The following KCTD5 variants were observed in gnomAD, a reference collection of about 807,000 sequenced individuals.
KCTD5 encodes potassium channel tetramerization domain containing 5.
A neutral mutation model predicts 27.9 loss-of-function variants in KCTD5; 12 were observed. That is an observed-to-expected ratio of 0.43 (90% confidence interval 0.28 to 0.70). KCTD5 has a LOEUF of 0.70. Ranked by LOEUF, KCTD5 falls within the 30% of genes least tolerant of loss-of-function variation. The pLI is 0.19. For synonymous variants in KCTD5, 147 were observed against 121.4 expected (o/e 1.21, Z -1.39); for missense variants, 226 against 274.8 (o/e 0.82, Z 1.26).
intron 1 of KCTD5, among the ~76,000 whole-genome samples, chr16:2,688,243 ATATTTATTTATT>A (rs56117069): frequency 1.6e-5 from 1 of 64,266 alleles, no homozygotes; most frequent in Non-Finnish European, 3.7e-5. Context: ...ATATATATAT[ATATTTATTTATT>A]TATTTATTTA....
intron 2 of KCTD5, chr16:2,697,421 G>C (rs1177968296): frequency 6.4e-6 from 1 of 155,360 alleles, no homozygotes; most frequent in Non-Finnish European, 1.4e-5. Context: ...TGAGGTGCCA[G>C]GTGACTGAGA....
chr16:2,707,237 C>T lies in KCTD5; in HGVS notation c.676-61C>T, dbSNP rs542484914. On this transcript the variant is annotated intron_variant, in intron 5 of 5. Transcript: ENST00000301738. Reference sequence around the variant, plus strand: ...TGTGGGCTCTGTTTTCTGGAGCAGGCGCCTGGTCAGGGACACCTCCTCAGC... The same window carrying T: ...TGTGGGCTCTGTTTTCTGGAGCAGGTGCCTGGTCAGGGACACCTCCTCAGC... The T allele has an allele frequency of 1.8e-5, 27 of 1,533,374 alleles. 1 individual carries two copies. The highest frequency in any genetic ancestry group is 1.5e-4 in the South Asian group (13 of 86,430). 95.0% of individuals were successfully genotyped at this position (1,533,374 alleles called of 1,614,324 possible).
At chr16:2,698,255 G>T in intron 3 of KCTD5, among the ~76,000 whole-genome samples, 1 of 152,246 alleles carries the variant, frequency 6.6e-6, no homozygotes, top group East Asian at 1.9e-4. Flanking sequence ...AGGAAGTTGG[G>T]CACGGGAGAC....
chr16:2,692,346 G>A (rs2067570161), intron 1 of KCTD5, among the ~76,000 whole-genome samples: 1 of 152,194 alleles, frequency 6.6e-6, no homozygotes, highest in South Asian at 2.1e-4. Flanking sequence ...CCAAGTGTTG[G>A]GACAGTGCAG....
chr16:2,688,236 T>A (rs1205745682), intron 1 of KCTD5, among the ~76,000 whole-genome samples: 24 of 87,984 alleles, frequency 2.7e-4, no homozygotes, highest in African/African-American at 8.9e-4. Flanking sequence ...TAAATATATA[T>A]ATATATATAT....
intron 4 of KCTD5, among the ~76,000 whole-genome samples, chr16:2,700,286 A>T (rs944393006): frequency 6.6e-6 from 1 of 152,142 alleles, no homozygotes; most frequent in Non-Finnish European, 1.5e-5. Flanking sequence ...AGCTCACTCC[A>T]TCGGAGCATA....
intron 3 of KCTD5, chr16:2,699,137 A>G: frequency 2.2e-6 from 1 of 455,976 alleles, no homozygotes; most frequent in Non-Finnish European, 4.4e-6. Context: ...ACCCCTTCTC[A>G]CTGCTGCGTT....
chr16:2,682,871 T>G, intron 1 of KCTD5, 71 bp downstream of exon 1: 1 of 1,489,386 alleles, frequency 6.7e-7, no homozygotes, highest in Non-Finnish European at 8.9e-7. Context: ...ACGCCCTGCT[T>G]CGTGCGGAGG....
In KCTD5 at chr16:2,702,592, G is replaced by T. The variant is rs895179349; in HGVS notation, c.675+114G>T. On this transcript the variant is annotated intron_variant, in intron 5 of 5. Coordinates refer to ENST00000301738, the MANE Select transcript of KCTD5 (RefSeq NM_018992.4). ...ATCAAGCTCCCGGTGTCCGCCCCTG[G>T]TGGCCTTGCTGACTTCTTGGACACA... The T allele has an allele frequency of 1.3e-5, 18 of 1,399,820 alleles. 1 individual carries two copies. Among genetic ancestry groups the T allele is most frequent in the Middle Eastern group, 2.3e-4 (1 of 4,258 alleles). 86.7% of individuals were successfully genotyped at this position (1,399,820 alleles called of 1,614,324 possible).
intron 5 of KCTD5, among the ~76,000 whole-genome samples, chr16:2,706,342 C>T (rs962678979): frequency 6.6e-6 from 1 of 152,184 alleles, no homozygotes; most frequent in Non-Finnish European, 1.5e-5. Context: ...AGGCTGTGCC[C>T]GGCGAGGGCG....
chr16:2,699,018 C>A (rs1271167812), intron 3 of KCTD5: 6 of 413,486 alleles, frequency 1.5e-5, no homozygotes, highest in Non-Finnish European at 2.9e-5. Context: ...CACTGTCTTG[C>A]AGAATAAAGC....
chr16:2,702,039 C>G lies in KCTD5; in HGVS notation c.550-314C>G, dbSNP rs573898136. On this transcript the variant is annotated intron_variant, in intron 4 of 5. Coordinates refer to ENST00000301738, the MANE Select transcript of KCTD5 (RefSeq NM_018992.4). ...TCTCCTCCCGCTGCCCCCCTCCCTCCGCCCCAGCTCAGGGACCCGTCTGTG... is the reference window on the plus strand; with the variant it reads ...TCTCCTCCCGCTGCCCCCCTCCCTCGGCCCCAGCTCAGGGACCCGTCTGTG... Among the ~76,000 whole-genome samples the G allele has an allele frequency of 2.0e-5, 3 of 152,332 alleles. No homozygotes were observed. The South Asian group carries it at 6.2e-4, about 32-fold the overall frequency.
chr16:2,699,970 C>G, intron 4 of KCTD5, 54 bp downstream of exon 4: 1 of 1,504,906 alleles, frequency 6.6e-7, no homozygotes, highest in Non-Finnish European at 9.2e-7. Context: ...AACTTGTGCT[C>G]ACAATGGCTC....
chr16:2,704,864 G>C (rs1360392060), intron 5 of KCTD5, among the ~76,000 whole-genome samples: 1 of 152,216 alleles, frequency 6.6e-6, no homozygotes, highest in Non-Finnish European at 1.5e-5. Flanking sequence ...CGCCTGCCAG[G>C]AGTGGGGCCA....
intron 1 of KCTD5, among the ~76,000 whole-genome samples, chr16:2,688,224 A>ATATATATATATATAT (rs1567193086): frequency 1.6e-4 from 13 of 79,546 alleles, no homozygotes; most frequent in African/African-American, 6.3e-4. Flanking sequence ...TAAATAAATA[A>ATATATATATATATAT]ATAAATATAT....
chr16:2,689,512 G>A (rs2067555662), intron 1 of KCTD5, among the ~76,000 whole-genome samples: 2 of 130,442 alleles, frequency 1.5e-5, no homozygotes, highest in Non-Finnish European at 3.3e-5. Context: ...TTCCCCTCTG[G>A]TGGCACGTGT....
At chr16:2,688,671 C>T (rs1239607228) in intron 1 of KCTD5, among the ~76,000 whole-genome samples, 1 of 119,144 alleles carries the variant, frequency 8.4e-6, no homozygotes, top group Non-Finnish European at 1.7e-5. Context: ...TCCCTGAAGG[C>T]AGCATGTATG....
intron 3 of KCTD5, chr16:2,699,211 C>T (rs991108137): frequency 4.4e-5 from 20 of 455,964 alleles, no homozygotes; most frequent in Non-Finnish European, 7.5e-5. Flanking sequence ...GGGGCCACCC[C>T]GCCCACTGGG....
intron 1 of KCTD5, among the ~76,000 whole-genome samples, chr16:2,690,313 C>T (rs1489782793): frequency 2.0e-5 from 3 of 152,240 alleles, no homozygotes; most frequent in African/African-American, 7.2e-5. Context: ...GTCGCCCTCT[C>T]CTCTGTGGTT....
Sources: gnomAD v4.1 joint callset for allele counts (sites outside exome capture counted in the v4.1 genomes callset) on GRCh38, gnomAD v4.1.1 for gene constraint, MANE v1.5 for transcripts, NCBI Gene and HGNC (gene_info 2026-07-23, HGNC 2026-07-21) for gene names.